RAPH1: variants seen among roughly 807,000 people sequenced by gnomAD.
RAPH1 encodes the protein ras-associated and pleckstrin homology domains-containing protein 1.
RAPH1 carries 18 observed loss-of-function variants against 88.1 expected under a neutral mutation model. That is an observed-to-expected ratio of 0.20 (90% confidence interval 0.14 to 0.30). The LOEUF (loss-of-function observed/expected upper bound fraction) is 0.30. Among genes scored for constraint, RAPH1 ranks in the 10% least tolerant of loss-of-function variants. The pLI is 1.00. For synonymous variants in RAPH1, 587 were observed against 559.0 expected (o/e 1.05, Z -0.71); for missense variants, 1,448 against 1,543.2 (o/e 0.94, Z 1.03).
intron 1 of RAPH1, among the ~76,000 whole-genome samples, chr2:203,509,868 CT>C (rs1445010029): frequency 2.0e-5 from 3 of 152,086 alleles, no homozygotes; most frequent in Non-Finnish European, 2.9e-5. Context: ...CACCTCCCCC[CT>C]ACTCTTGCCC....
At chr2:203,487,505 C>G (rs1383680610) in intron 4 of RAPH1, among the ~76,000 whole-genome samples, 1 of 152,192 alleles carries the variant, frequency 6.6e-6, no homozygotes, top group East Asian at 1.9e-4. Context: ...CTCACCCTCC[C>G]GAGCAGCTGG....
intron 12 of RAPH1, chr2:203,446,233 T>G (rs533312804): frequency 6.6e-6 from 1 of 152,372 alleles, no homozygotes; most frequent in Admixed American, 6.5e-5. Flanking sequence ...AGGTATCTTG[T>G]AGACTGTCTC....
At chr2:203,455,938 G>C (rs1225585474) in intron 8 of RAPH1, among the ~76,000 whole-genome samples, 1 of 151,942 alleles carries the variant, frequency 6.6e-6, no homozygotes, top group Non-Finnish European at 1.5e-5. Context: ...GAACCTGGGA[G>C]GCGGAGATTG....
intron 3 of RAPH1, 97 bp from the exon 4 acceptor site, chr2:203,490,186 G>C: frequency 8.2e-7 from 1 of 1,222,694 alleles, no homozygotes; most frequent in Non-Finnish European, 1.1e-6. Flanking sequence ...ATATTTTGTT[G>C]GGCCTAAAGC....
chr2:203,440,952 TGGA>T lies in RAPH1; in HGVS notation c.2235_2237del (p.Pro746del). 3 of 1,554,594 alleles carry T rather than the reference TGGA, an allele frequency of 1.9e-6. No individual in the cohort carries two copies. Among genetic ancestry groups the T allele is most frequent in the Non-Finnish European group, 2.6e-6 (3 of 1,155,316 alleles). On this transcript the variant is annotated inframe_deletion, in exon 14 of 14. Transcript: ENST00000319170. ...TATGCTGAACTTGATGGATCTTCAG[TGGA>T]GGAGGCGGGGCACTGAACTGTGGAA...
chr2:203,447,827 T>C, intron 12 of RAPH1, 132 bp downstream of exon 12: 2 of 846,080 alleles, frequency 2.4e-6, no homozygotes, highest in Non-Finnish European at 1.8e-6. Flanking sequence ...AAGGCATCTA[T>C]TGATTATAAT....
At position 203,441,252 on chromosome 2, in the gene RAPH1, A is replaced by AGGAGGGGGTGGTGGAGGGGGTGGT; in HGVS notation, c.1914_1937dup (p.Pro641_Pro648dup). The AGGAGGGGGTGGTGGAGGGGGTGGT allele has an allele frequency of 2.3e-5, 7 of 301,468 alleles. No homozygotes were observed. Among genetic ancestry groups the AGGAGGGGGTGGTGGAGGGGGTGGT allele is most frequent in the East Asian group, 1.7e-4 (1 of 6,026 alleles). The allele number at this position is 301,468 out of a possible 1,614,324, so 18.7% of individuals were successfully genotyped here. On this transcript the variant is annotated inframe_insertion, in exon 14 of 14. Coordinates refer to ENST00000319170, the MANE Select transcript of RAPH1 (RefSeq NM_213589.3). ...GTGCAGACTGGCTGGGGAGTGGGGG[A>AGGAGGGGGTGGTGGAGGGGGTGGT]GGAGGGGGTGGTGGAGGGGGTGGTG... is the stretch of plus-strand genomic sequence containing the variant.
rs1443870075 is a variant in RAPH1 at position 203,440,546 on chromosome 2, G to A, written c.2644C>T (p.Pro882Ser). ...PPTPPAMESQPLKPVPANVAP... is the reference protein window; with the variant it reads ...PPTPPAMESQSLKPVPANVAP... The stretch of plus-strand genomic sequence containing the variant: ...ACATTTGCTGGGACAGGCTTTAAGG[G>A]CTGAGATTCCATGGCAGGGGGAGTT... Residue 882 changes from proline (P) to serine (S), a missense_variant, in exon 14 of 14, where the codon CCC (proline) becomes TCC (serine). Pro to Ser is a moderately conservative substitution (Grantham distance 74, BLOSUM62 -1). Coordinates refer to ENST00000319170, the MANE Select transcript of RAPH1 (RefSeq NM_213589.3). 2 of 1,546,238 alleles carry A rather than the reference G, an allele frequency of 1.3e-6. No individual in the cohort carries two copies. The highest frequency in any genetic ancestry group is 1.4e-5 in the African/African-American group (1 of 72,468).
Position 203,439,924 on chromosome 2 carries a change from A to C in RAPH1, c.3266T>G (p.Ile1089Ser). The change falls in exon 14 of 14, where the codon ATT becomes AGT. Residue 1089 changes from isoleucine (I) to serine (S), a missense_variant. Coordinates refer to ENST00000319170, the MANE Select transcript of RAPH1 (RefSeq NM_213589.3). ...ETELPLPPIE[I>S]PAVFSGNTSP... ...GGTGTTTCCCGAGAAAACTGCTGGA[A>C]TCTCAATGGGGGGCAGAGGAAGCTC... is the stretch of plus-strand genomic sequence containing the variant. The C allele has an allele frequency of 6.2e-7, 1 of 1,613,878 alleles. No homozygotes were observed. The highest frequency in any genetic ancestry group is 2.2e-5 in the East Asian group (1 of 44,864).
intron 10 of RAPH1, among the ~76,000 whole-genome samples, chr2:203,453,708 A>G (rs1559455085): frequency 6.6e-6 from 1 of 152,130 alleles, no homozygotes; most frequent in Non-Finnish European, 1.5e-5. Flanking sequence ...ATTAAACATG[A>G]TATGAACATG....
At chr2:203,451,362 G>C (rs983317022) in intron 10 of RAPH1, among the ~76,000 whole-genome samples, 1 of 152,170 alleles carries the variant, frequency 6.6e-6, no homozygotes, top group African/African-American at 2.4e-5. Flanking sequence ...TTAAAACAGC[G>C]CTCAAAATTG....
At chr2:203,517,097 C>A (rs1334950510) in intron 1 of RAPH1, among the ~76,000 whole-genome samples, 1 of 150,704 alleles carries the variant, frequency 6.6e-6, no homozygotes, top group African/African-American at 2.4e-5. Flanking sequence ...AAGACAAGAC[C>A]CAACTCTGTT....
chr2:203,451,276 A>G (rs191322608), intron 10 of RAPH1, among the ~76,000 whole-genome samples: 79 of 152,254 alleles, frequency 5.2e-4, no homozygotes, highest in African/African-American at 1.9e-3. Context: ...ATTTTTCATT[A>G]AATACTCACA....
At chr2:203,524,153 T>C (rs1690014106) in intron 1 of RAPH1, among the ~76,000 whole-genome samples, 1 of 152,210 alleles carries the variant, frequency 6.6e-6, no homozygotes, top group Non-Finnish European at 1.5e-5. Context: ...GGCAAAGACT[T>C]GCTGTCACTT....
chr2:203,505,700 A>G (rs947950767), intron 1 of RAPH1, among the ~76,000 whole-genome samples: 1 of 151,760 alleles, frequency 6.6e-6, no homozygotes, highest in African/African-American at 2.4e-5. Context: ...AAAACAACAA[A>G]TAATTGATTG....
At chr2:203,443,737 TGG>T (rs1454112741) in intron 13 of RAPH1, 1 of 151,934 alleles carries the variant, frequency 6.6e-6, no homozygotes, top group Non-Finnish European at 1.5e-5. Flanking sequence ...CCCAGGACTT[TGG>T]AAAGCCGAGG....
At chr2:203,462,610 T>G (rs2098525041) in intron 4 of RAPH1, among the ~76,000 whole-genome samples, 1 of 152,224 alleles carries the variant, frequency 6.6e-6, no homozygotes, top group Non-Finnish European at 1.5e-5. Flanking sequence ...TATTTTTAAA[T>G]GCTAAATATG....
At chr2:203,495,143 T>G in intron 2 of RAPH1, 91 bp downstream of exon 2, 1 of 1,422,982 alleles carries the variant, frequency 7.0e-7, no homozygotes, top group Non-Finnish European at 9.7e-7. Flanking sequence ...TACTTTAAAA[T>G]TTAACTTATA....
rs1688192074 is a variant in RAPH1 at position 203,490,105 on chromosome 2, C to A, written c.227-16G>T. 2.6e-6 allele frequency: 4 copies of A among 1,562,202 alleles called. No individual in the cohort carries two copies. The highest frequency in any genetic ancestry group is 3.5e-6 in the Non-Finnish European group (4 of 1,156,638). On this transcript the variant is annotated splice_polypyrimidine_tract_variant and intron_variant, in intron 3 of 13. Coordinates refer to ENST00000319170, the MANE Select transcript of RAPH1 (RefSeq NM_213589.3). ...TTCAGAGCTTCTGCAATGAACAACA[C>A]ATAATGTTTCCAGAATTTATACATT...
Sources: gnomAD v4.1 joint callset for allele counts (sites outside exome capture counted in the v4.1 genomes callset) on GRCh38, gnomAD v4.1.1 for gene constraint, MANE v1.5 for transcripts, NCBI Gene and HGNC (gene_info 2026-07-23, HGNC 2026-07-21) for gene names.